Variants in MARCHF1 observed in about 807,000 individuals in gnomAD.
The protein encoded by MARCHF1 is E3 ubiquitin-protein ligase MARCHF1.
Under a neutral mutation model 54.2 loss-of-function variants are expected in MARCHF1, and 40 were observed. The observed-to-expected ratio is 0.74, with a 90% CI of 0.57 to 0.96. The LOEUF (loss-of-function observed/expected upper bound fraction) is 0.96, where lower values mean the gene tolerates loss of function less well. Among genes scored for constraint, MARCHF1 ranks in the 40% least tolerant of loss-of-function variants. MARCHF1 has a pLI of 0.00. For synonymous variants in MARCHF1, 236 were observed against 236.3 expected (o/e 1.00, Z 0.01); for missense variants, 586 against 656.5 (o/e 0.89, Z 1.17).
intron 2 of MARCHF1, among the ~76,000 whole-genome samples, chr4:163,990,740 G>A (rs1752954511): frequency 6.6e-6 from 1 of 152,110 alleles, no homozygotes; most frequent in South Asian, 2.1e-4. Context: ...TCTTAATTAA[G>A]AGAATGCTGG....
chr4:164,239,854 T>C (rs535896640), intron 1 of MARCHF1, among the ~76,000 whole-genome samples: 1 of 152,328 alleles, frequency 6.6e-6, no homozygotes, highest in Admixed American at 6.5e-5. Context: ...GTTGATTTTA[T>C]ATTTATGAAA....
At chr4:164,318,857 T>C (rs780201732) in intron 1 of MARCHF1, among the ~76,000 whole-genome samples, 5 of 152,260 alleles carry the variant, frequency 3.3e-5, no homozygotes, top group Non-Finnish European at 4.4e-5. Context: ...ATGAGAATAC[T>C]AATCTATATC....
chr4:164,188,819 A>G, intron 1 of MARCHF1: 1 of 802,110 alleles, frequency 1.2e-6, no homozygotes, highest in Non-Finnish European at 2.3e-6. Context: ...AATTTCTGCC[A>G]TGGTTCTCAC....
At chr4:164,344,221 T>C (rs1184703169) in intron 1 of MARCHF1, among the ~76,000 whole-genome samples, 1 of 152,054 alleles carries the variant, frequency 6.6e-6, no homozygotes, top group Non-Finnish European at 1.5e-5. Flanking sequence ...CAGGACCTAC[T>C]TGAGGGTGGA....
Position 163,562,577 on chromosome 4 carries a change from C to T in MARCHF1, c.1192-16834G>A, listed in dbSNP as rs147521662. Among the ~76,000 whole-genome samples, 242 of 152,226 alleles carry T rather than the reference C, an allele frequency of 1.6e-3. 4 individuals carry two copies. The South Asian group carries it at 0.031, about 19-fold the overall frequency. On this transcript the variant is annotated intron_variant, in intron 8 of 9. Transcript: ENST00000514618. The stretch of plus-strand genomic sequence containing the variant: ...GTTCCCAGGCCTTCACCTTCACCCC[C>T]AGTCTCATCACACTCTCCCAATCTT...
intron 4 of MARCHF1, among the ~76,000 whole-genome samples, chr4:163,852,393 G>A (rs1749665793): frequency 6.6e-6 from 1 of 152,150 alleles, no homozygotes; most frequent in Admixed American, 6.6e-5. Context: ...AAGCACAGAA[G>A]CAGTAATTTT....
chr4:164,230,432 T>G (rs575892208), intron 1 of MARCHF1, among the ~76,000 whole-genome samples: 2 of 151,976 alleles, frequency 1.3e-5, no homozygotes, highest in Middle Eastern at 3.4e-3. Context: ...TTATATATAT[T>G]TGAGGGGAAC....
At position 163,525,058 on chromosome 4, in the gene MARCHF1, C is replaced by CTTAA. The variant is rs1305629743; in HGVS notation, c.*3686_*3689dup. ...GGAAAGAAAAAAGGTTTTCATCTTT[C>CTTAA]TTAATTAAAGTATTATATAACAACT... On this transcript the variant is annotated 3_prime_UTR_variant, in exon 10 of 10. Transcript: ENST00000514618. 2 of 152,048 alleles carry CTTAA rather than the reference C, an allele frequency of 1.3e-5. No individual in the cohort carries two copies. The highest frequency in any genetic ancestry group is 1.3e-4 in the Admixed American group (2 of 15,252). 9.4% of individuals were successfully genotyped at this position (152,048 alleles called of 1,614,324 possible).
Position 164,111,621 on chromosome 4 carries a change from C to T in MARCHF1, c.-281G>A, listed in dbSNP as rs563420980. ...GCAGTCTTGTTTAATCACAGCAGGA[C>T]AGTTGAGTATATTCTCTCAGAGTTC... is the stretch of plus-strand genomic sequence containing the variant. On this transcript the variant is annotated 5_prime_UTR_variant, in exon 2 of 10. Transcript: ENST00000514618. 1 of 151,614 alleles carries T rather than the reference C, an allele frequency of 6.6e-6. No homozygotes were observed. The highest frequency in any genetic ancestry group is 1.5e-5 in the Non-Finnish European group (1 of 67,674). 9.4% of individuals were successfully genotyped at this position (151,614 alleles called of 1,614,324 possible). A position where few individuals can be genotyped will look rare whatever the true frequency, so the allele number is the denominator to read the frequency against.
At chr4:163,664,697 A>G (rs1226651120) in intron 5 of MARCHF1, among the ~76,000 whole-genome samples, 2 of 152,116 alleles carry the variant, frequency 1.3e-5, no homozygotes, top group Non-Finnish European at 2.9e-5. Flanking sequence ...CTTAGGACAG[A>G]ATAAATCAGC....
intron 7 of MARCHF1, among the ~76,000 whole-genome samples, chr4:163,611,073 CATAATT>C (rs1741324166): frequency 6.6e-6 from 1 of 152,006 alleles, no homozygotes; most frequent in Admixed American, 6.6e-5. Flanking sequence ...TAGTTCTTAT[CATAATT>C]ATAATTATAT....
At chr4:164,196,749 A>C (rs7356386) in intron 1 of MARCHF1, among the ~76,000 whole-genome samples, 20,181 of 152,088 alleles carry the variant, frequency 0.13, 1,733 homozygotes, top group African/African-American at 0.21. Context: ...ATCCCAGTTA[A>C]TATTTACAAA....
intron 4 of MARCHF1, among the ~76,000 whole-genome samples, chr4:163,793,292 GAA>G (rs1747820163): frequency 6.6e-6 from 1 of 152,144 alleles, no homozygotes; most frequent in Non-Finnish European, 1.5e-5. Flanking sequence ...ACAGCATTTA[GAA>G]AAGTCTCGGC....
intron 1 of MARCHF1, among the ~76,000 whole-genome samples, chr4:164,170,431 ATAT>A (rs1301959865): frequency 1.6e-4 from 25 of 152,118 alleles, no homozygotes; most frequent in Non-Finnish European, 4.4e-5. Flanking sequence ...GCCATCAATA[ATAT>A]TATCAATAAG....
At chr4:164,251,491 C>T (rs1733122708) in intron 1 of MARCHF1, among the ~76,000 whole-genome samples, 1 of 152,086 alleles carries the variant, frequency 6.6e-6, no homozygotes, top group Non-Finnish European at 1.5e-5. Context: ...CAAATTTTAG[C>T]CTCAGGCCAA....
At chr4:163,868,709 G>C (rs561722029) in intron 3 of MARCHF1, among the ~76,000 whole-genome samples, 11 of 152,082 alleles carry the variant, frequency 7.2e-5, no homozygotes, top group Non-Finnish European at 1.5e-4. Flanking sequence ...CTGAAGATAA[G>C]TTTGACATTT....
chr4:163,983,810 C>G (rs530235249), intron 3 of MARCHF1, among the ~76,000 whole-genome samples: 1 of 152,094 alleles, frequency 6.6e-6, no homozygotes, highest in African/African-American at 2.4e-5. Flanking sequence ...ACCAACTTTG[C>G]TTAAGTAATG....
intron 1 of MARCHF1, among the ~76,000 whole-genome samples, chr4:164,380,583 A>T (rs1443263159): frequency 6.6e-6 from 1 of 152,206 alleles, no homozygotes; most frequent in African/African-American, 2.4e-5. Context: ...TTGCAAAATG[A>T]ACCCAATATA....
chr4:163,855,476 T>A (rs1360168805), intron 3 of MARCHF1, among the ~76,000 whole-genome samples: 1 of 152,222 alleles, frequency 6.6e-6, no homozygotes, highest in Non-Finnish European at 1.5e-5. Context: ...AAATATTTCC[T>A]CATTCCCAGT....
Sources: allele counts gnomAD v4.1 joint callset (sites outside exome capture counted in the v4.1 genomes callset), GRCh38; gene constraint gnomAD v4.1.1; transcripts MANE v1.5; gene names NCBI Gene and HGNC (gene_info 2026-07-23, HGNC 2026-07-21).